The following SERPINB12 variants were observed in gnomAD, a reference collection of about 807,000 sequenced individuals.
SERPINB12 encodes serpin family B member 12.
Under a neutral mutation model 41.1 loss-of-function variants are expected in SERPINB12, and 57 were observed. That is an observed-to-expected ratio of 1.39 (90% CI 1.12 to 1.73). SERPINB12 has a LOEUF of 1.73. Ranked by LOEUF, SERPINB12 falls within the 40% of genes most tolerant of loss-of-function variation. The pLI is 0.00. For synonymous variants in SERPINB12, 180 were observed against 181.3 expected (o/e 0.99, Z 0.06); for missense variants, 536 against 501.9 (o/e 1.07, Z -0.65).
At chr18:63,524,731 CT>C in the SERPINB12 span, among the ~76,000 whole-genome samples, 1 of 148,138 alleles carries the variant, frequency 6.8e-6, no homozygotes, top group Admixed American at 6.7e-5. Context: ...AAAAAATTTA[CT>C]TTTTTTTTCT....
chr18:63,521,336 A>G, the SERPINB12 span, among the ~76,000 whole-genome samples: 1 of 152,198 alleles, frequency 6.6e-6, no homozygotes, highest in Non-Finnish European at 1.5e-5. Flanking sequence ...AGTCATCTTG[A>G]TAAGTTTTGG....
intron 1 of SERPINB12, among the ~76,000 whole-genome samples, chr18:63,548,876 A>C (rs995802599): frequency 6.6e-6 from 1 of 152,140 alleles, no homozygotes; most frequent in African/African-American, 2.4e-5. Context: ...AAAGTTAAAA[A>C]TCTTTATAAT....
chr18:63,568,316 G>C lies in SERPINB12; in HGVS notation c.*1305G>C, dbSNP rs1390121605. Among the ~76,000 whole-genome samples the C allele has an allele frequency of 2.0e-5, 3 of 152,196 alleles. No homozygotes were observed. Among genetic ancestry groups the C allele is most frequent in the Non-Finnish European group, 4.4e-5 (3 of 68,040 alleles). On this transcript the variant is annotated 3_prime_UTR_variant, in exon 8 of 8. Coordinates refer to ENST00000382768, the MANE Select transcript of SERPINB12 (RefSeq NM_001307928.2). Reference sequence around the variant, plus strand: ...AGATCACTTGAACCCAGGGGATGGAGGCTGCAGTAAGCTGAGATGGCGCCA... The same window carrying C: ...AGATCACTTGAACCCAGGGGATGGACGCTGCAGTAAGCTGAGATGGCGCCA...
intron 5 of SERPINB12, among the ~76,000 whole-genome samples, chr18:63,561,846 C>T (rs1910921133): frequency 6.6e-6 from 1 of 152,180 alleles, no homozygotes; most frequent in Non-Finnish European, 1.5e-5. Flanking sequence ...GACACACAGA[C>T]ATAAATATGG....
chr18:63,536,303 A>C, the SERPINB12 span, among the ~76,000 whole-genome samples: 1 of 152,018 alleles, frequency 6.6e-6, no homozygotes, highest in Non-Finnish European at 1.5e-5. Flanking sequence ...CATTTACAAT[A>C]GGTACAGTTA....
chr18:63,562,977 C>T (rs1298319604), intron 5 of SERPINB12, among the ~76,000 whole-genome samples: 1 of 152,076 alleles, frequency 6.6e-6, no homozygotes, highest in Non-Finnish European at 1.5e-5. Flanking sequence ...GAGCTTAGGG[C>T]TGTGTTATTG....
Position 63,567,125 on chromosome 18 carries a change from T to C in SERPINB12, c.*114T>C. 1 of 1,002,526 alleles carries C rather than the reference T, an allele frequency of 1.0e-6. No homozygotes were observed. 62.1% of individuals were successfully genotyped at this position (1,002,526 alleles called of 1,614,324 possible). ...AATATCTAAAGCATCTCCTTCATCC[T>C]CCAGCCATCGGCTTGTGCTTATCTT... On this transcript the variant is annotated 3_prime_UTR_variant, in exon 8 of 8. Transcript: ENST00000382768.
chr18:63,530,084 C>A, the SERPINB12 span, among the ~76,000 whole-genome samples: 3 of 152,096 alleles, frequency 2.0e-5, no homozygotes, highest in African/African-American at 7.2e-5. Flanking sequence ...AACACAGGCA[C>A]GAGGTACATG....
chr18:63,546,278 C>G (rs892193926), intron 1 of SERPINB12, among the ~76,000 whole-genome samples: 2 of 152,194 alleles, frequency 1.3e-5, no homozygotes, highest in South Asian at 4.1e-4. Context: ...CTAGCTTTCT[C>G]CTAGTTGCTC....
intron 4 of SERPINB12, among the ~76,000 whole-genome samples, chr18:63,560,419 T>G (rs562170449): frequency 4.9e-4 from 74 of 152,290 alleles, no homozygotes; most frequent in African/African-American, 1.8e-3. Context: ...CCAAAATAAG[T>G]GTGTTTCCTT....
chr18:63,522,210 A>C, the SERPINB12 span, among the ~76,000 whole-genome samples: 1 of 152,236 alleles, frequency 6.6e-6, no homozygotes, highest in Non-Finnish European at 1.5e-5. Context: ...AAACCGAATC[A>C]AGGCAGACTT....
At chr18:63,564,185 C>A in intron 6 of SERPINB12, 65 bp downstream of exon 6, 1 of 1,486,018 alleles carries the variant, frequency 6.7e-7, no homozygotes, top group Non-Finnish European at 9.2e-7. Context: ...GAATGATTTA[C>A]AATATGTATA....
At chr18:63,566,460 A>T in intron 7 of SERPINB12, 147 bp from the exon 8 acceptor site, 1 of 727,686 alleles carries the variant, frequency 1.4e-6, no homozygotes, top group Non-Finnish European at 2.3e-6. Context: ...TTGAAGTTTT[A>T]AATGAAATCA....
At chr18:63,562,737 G>C (rs893405362) in intron 5 of SERPINB12, among the ~76,000 whole-genome samples, 1 of 152,166 alleles carries the variant, frequency 6.6e-6, no homozygotes, top group African/African-American at 2.4e-5. Flanking sequence ...TTAAGGCCTG[G>C]ATATGTACTT....
chr18:63,544,116 A>C lies in SERPINB12; in HGVS notation c.-19+1624A>C, dbSNP rs139159909. On this transcript the variant is annotated intron_variant, in intron 1 of 7. Coordinates refer to ENST00000382768, the MANE Select transcript of SERPINB12 (RefSeq NM_001307928.2). The stretch of plus-strand genomic sequence containing the variant: ...GTAAATATTTGCAGCTTTGCAGGCC[A>C]TGTGATTTCTTCTCCACTACCACTG... Among the ~76,000 whole-genome samples the C allele has an allele frequency of 1.1e-4, 16 of 152,290 alleles. No individual in the cohort carries two copies. The East Asian group carries it at 2.9e-3, about 28-fold the overall frequency.
intron 1 of SERPINB12, among the ~76,000 whole-genome samples, chr18:63,549,961 C>T (rs1054728634): frequency 2.0e-5 from 3 of 152,026 alleles, no homozygotes; most frequent in Non-Finnish European, 4.4e-5. Flanking sequence ...ACTTGTGCCA[C>T]GTAGTGGTTG....
At chr18:63,544,347 GAAAAT>G (rs1165860896) in intron 1 of SERPINB12, among the ~76,000 whole-genome samples, 1 of 152,186 alleles carries the variant, frequency 6.6e-6, no homozygotes, top group African/African-American at 2.4e-5. Flanking sequence ...ATTTGGCTAA[GAAAAT>G]AAAGCTTTGT....
chr18:63,560,214 G>A (rs1224578729), intron 4 of SERPINB12, among the ~76,000 whole-genome samples: 1 of 152,210 alleles, frequency 6.6e-6, no homozygotes, highest in Non-Finnish European at 1.5e-5. Flanking sequence ...GAGCTGAAAG[G>A]CACAGGACTT....
chr18:63,560,170 G>C (rs978202378), intron 4 of SERPINB12, among the ~76,000 whole-genome samples: 1 of 152,142 alleles, frequency 6.6e-6, no homozygotes, highest in African/African-American at 2.4e-5. Flanking sequence ...TTTTGAGAGT[G>C]GGGTAGCAGG....
Sources: gnomAD v4.1 joint callset for allele counts (sites outside exome capture counted in the v4.1 genomes callset) on GRCh38, gnomAD v4.1.1 for gene constraint, MANE v1.5 for transcripts, NCBI Gene and HGNC (gene_info 2026-07-23, HGNC 2026-07-21) for gene names.